Variants in RTN4RL1 observed in about 807,000 individuals in gnomAD.
RTN4RL1 encodes reticulon-4 receptor-like 1.
A neutral mutation model predicts 25.6 loss-of-function variants in RTN4RL1; 7 were observed. The ratio of observed to expected loss-of-function variants is 0.27; its 90% CI spans 0.16 to 0.51. RTN4RL1 has a LOEUF of 0.51. RTN4RL1 is among the 20% of genes least tolerant of loss of function. The pLI is 0.97. For missense variants in RTN4RL1, 500 were observed against 615.6 expected (o/e 0.81, Z 1.99); for synonymous variants, 297 against 288.2 (o/e 1.03, Z -0.31).
At chr17:1,960,367 T>A (rs1915870952) in intron 1 of RTN4RL1, among the ~76,000 whole-genome samples, 1 of 152,124 alleles carries the variant, frequency 6.6e-6, no homozygotes. Flanking sequence ...AAATCTTCAG[T>A]GGCTTTCCAT....
At chr17:1,973,664 T>C (rs1487900514) in intron 1 of RTN4RL1, among the ~76,000 whole-genome samples, 1 of 152,168 alleles carries the variant, frequency 6.6e-6, no homozygotes, top group Non-Finnish European at 1.5e-5. Context: ...TCCCCATCAT[T>C]TCTGTCTCTG....
rs1430275828 is a variant in RTN4RL1 at position 2,006,682 on chromosome 17, A to G, written c.13+18171T>C. ...GTTGCCCAGGCTGGAGTGCAGTCGC[A>G]CGATCTCAGCTCACTGCAACTTCCG... On this transcript the variant is annotated intron_variant, in intron 1 of 1. Coordinates refer to ENST00000331238, the MANE Select transcript of RTN4RL1 (RefSeq NM_178568.4). 7.9e-5 allele frequency among the ~76,000 whole-genome samples: 12 copies of G among 152,152 alleles called. 1 individual carries two copies. Among genetic ancestry groups the G allele is most frequent in the Admixed American group, 7.2e-4 (11 of 15,278 alleles).
At chr17:1,949,363 C>T (rs1466147745) in intron 1 of RTN4RL1, among the ~76,000 whole-genome samples, 1 of 152,182 alleles carries the variant, frequency 6.6e-6, no homozygotes. Flanking sequence ...TCCCAAAGTG[C>T]TGGGATTACA....
intron 1 of RTN4RL1, chr17:2,017,620 G>A (rs1307088126): frequency 6.6e-6 from 1 of 152,294 alleles, no homozygotes; most frequent in Non-Finnish European, 1.5e-5. Context: ...CTGCAACAGT[G>A]ACCTCTGCCA....
intron 1 of RTN4RL1, among the ~76,000 whole-genome samples, chr17:1,965,079 G>A (rs1165847331): frequency 2.0e-5 from 3 of 149,800 alleles, no homozygotes; most frequent in Non-Finnish European, 3.0e-5. Flanking sequence ...GAGCCACCGC[G>A]CCTGGCTTAC....
chr17:2,004,481 G>T (rs1056351564), intron 1 of RTN4RL1, among the ~76,000 whole-genome samples: 1 of 152,136 alleles, frequency 6.6e-6, no homozygotes, highest in African/African-American at 2.4e-5. Flanking sequence ...TCCAGTCGGG[G>T]GACCCTGTTT....
intron 1 of RTN4RL1, among the ~76,000 whole-genome samples, chr17:1,969,327 G>C (rs1278838332): frequency 6.6e-6 from 1 of 152,018 alleles, no homozygotes; most frequent in Admixed American, 6.6e-5. Flanking sequence ...AAAGTGCTGG[G>C]ATTACAGGCA....
intron 1 of RTN4RL1, among the ~76,000 whole-genome samples, chr17:2,004,836 G>A (rs1411147000): frequency 6.6e-6 from 1 of 152,198 alleles, no homozygotes; most frequent in Non-Finnish European, 1.5e-5. Context: ...TCTGGAGGCA[G>A]AGAGGCAAAA....
chr17:2,017,479 G>A (rs779164593), intron 1 of RTN4RL1, among the ~76,000 whole-genome samples: 2 of 152,166 alleles, frequency 1.3e-5, no homozygotes, highest in African/African-American at 4.8e-5. Flanking sequence ...CACACACAGC[G>A]CTGGCCTGCC....
chr17:2,022,788 A>G (rs1308295533), intron 1 of RTN4RL1, among the ~76,000 whole-genome samples: 1 of 152,230 alleles, frequency 6.6e-6, no homozygotes, highest in East Asian at 1.9e-4. Context: ...ATCCAGGTGG[A>G]AACCTATCGG....
intron 1 of RTN4RL1, among the ~76,000 whole-genome samples, chr17:2,012,943 G>A (rs1291244890): frequency 2.0e-5 from 3 of 151,978 alleles, no homozygotes; most frequent in East Asian, 1.9e-4. Flanking sequence ...ATAGGCACAC[G>A]CCACCATGCC....
chr17:1,986,922 G>A (rs561573492), intron 1 of RTN4RL1, among the ~76,000 whole-genome samples: 21 of 152,014 alleles, frequency 1.4e-4, no homozygotes, highest in Non-Finnish European at 2.8e-4. Flanking sequence ...CAACTGAGCC[G>A]TGCGACCTTG....
At chr17:1,944,093 T>G (rs1033767904) in intron 1 of RTN4RL1, among the ~76,000 whole-genome samples, 1 of 152,074 alleles carries the variant, frequency 6.6e-6, no homozygotes, top group African/African-American at 2.4e-5. Flanking sequence ...GCTCCGTGAA[T>G]TTTTTATTTT....
At position 1,957,116 on chromosome 17, in the gene RTN4RL1, C is replaced by T. The variant is rs1043476154; in HGVS notation, c.14-19308G>A. Among the ~76,000 whole-genome samples, 21 of 152,328 alleles carry T rather than the reference C, an allele frequency of 1.4e-4. No homozygotes were observed. The East Asian group carries it at 2.9e-3, about 21-fold the overall frequency. ...AGTCAGTTAAATTAAAACTAAATAA[C>T]GTTGGAATGAACATCTTTGTGCTCA... On this transcript the variant is annotated intron_variant, in intron 1 of 1. Coordinates refer to ENST00000331238, the MANE Select transcript of RTN4RL1 (RefSeq NM_178568.4).
At chr17:1,983,803 A>G (rs2066877121) in intron 1 of RTN4RL1, among the ~76,000 whole-genome samples, 1 of 152,080 alleles carries the variant, frequency 6.6e-6, no homozygotes, top group South Asian at 2.1e-4. Flanking sequence ...CAGCCTCCCA[A>G]AGTGCTGGGA....
At chr17:1,947,132 A>G (rs1285654326) in intron 1 of RTN4RL1, among the ~76,000 whole-genome samples, 1 of 132,636 alleles carries the variant, frequency 7.5e-6, no homozygotes, top group Admixed American at 7.6e-5. Flanking sequence ...GTGTGTGTCT[A>G]TGTTGAATGT....
intron 1 of RTN4RL1, among the ~76,000 whole-genome samples, chr17:1,974,110 C>T (rs560637004): frequency 6.7e-6 from 1 of 149,760 alleles, no homozygotes; most frequent in Non-Finnish European, 1.5e-5. Flanking sequence ...ACTACCACCA[C>T]ACATGGAAAC....
Position 1,958,975 on chromosome 17 carries a change from T to C in RTN4RL1, c.14-21167A>G, listed in dbSNP as rs574927096. On this transcript the variant is annotated intron_variant, in intron 1 of 1. Coordinates refer to ENST00000331238, the MANE Select transcript of RTN4RL1 (RefSeq NM_178568.4). ...TTTTCAGCTGGAATATATTGAAATA[T>C]GAATCACCTCCTGAGAGGCAAAAGG... Among the ~76,000 whole-genome samples the C allele has an allele frequency of 7.9e-5, 12 of 152,382 alleles. No individual in the cohort carries two copies. The South Asian group carries it at 2.5e-3, about 32-fold the overall frequency.
intron 1 of RTN4RL1, among the ~76,000 whole-genome samples, chr17:1,964,294 A>T (rs553044662): frequency 3.3e-5 from 5 of 152,368 alleles, no homozygotes; most frequent in Admixed American, 2.0e-4. Flanking sequence ...GGTTAAATAT[A>T]AAAATATTTT....
Sources: gnomAD v4.1 joint callset for allele counts (sites outside exome capture counted in the v4.1 genomes callset) on GRCh38, gnomAD v4.1.1 for gene constraint, MANE v1.5 for transcripts, NCBI Gene and HGNC (gene_info 2026-07-23, HGNC 2026-07-21) for gene names.